TAMM41: variants seen among roughly 807,000 people sequenced by gnomAD.
The protein encoded by TAMM41 is TAM41 mitochondrial translocator assembly and maintenance homolog, also known as phosphatidate cytidylyltransferase, mitochondrial.
TAMM41 carries 36 observed loss-of-function variants against 44.1 expected under a neutral mutation model. The observed-to-expected ratio is 0.82, with a 90% CI of 0.63 to 1.08. The LOEUF (loss-of-function observed/expected upper bound fraction) is 1.08, where lower values mean the gene tolerates loss of function less well. TAMM41 is among the 50% of genes least tolerant of loss of function. TAMM41 has a pLI of 0.00. For missense variants in TAMM41, 417 were observed against 404.3 expected, an observed-to-expected ratio of 1.03 and a Z score of -0.27; for synonymous variants, 164 against 153.1, an observed-to-expected ratio of 1.07 and a Z score of -0.53.
rs113091824 is a variant in TAMM41, at chr3:11,829,436, T to C, written c.562+278A>G. On this transcript the variant is annotated intron_variant, in intron 4 of 7. Transcript: ENST00000455809. ...TGGGAAAAGGGCATAGGGAGTTTTC[T>C]GTATTATTCTTGAAACTTTTCTGTA... Among the ~76,000 whole-genome samples the C allele has an allele frequency of 1.6e-3, 251 of 152,360 alleles. 1 individual carries two copies. Among genetic ancestry groups the C allele is most frequent in the African/African-American group, 5.7e-3 (237 of 41,588 alleles).
At chr3:11,836,875 T>C (rs1462472658) in intron 3 of TAMM41, among the ~76,000 whole-genome samples, 1 of 152,264 alleles carries the variant, frequency 6.6e-6, no homozygotes, top group Non-Finnish European at 1.5e-5. Context: ...TTACTAGTCA[T>C]CCAACTTAGA....
At chr3:11,796,364 G>A (rs2077606202) in intron 7 of TAMM41, among the ~76,000 whole-genome samples, 1 of 152,182 alleles carries the variant, frequency 6.6e-6, no homozygotes, top group Non-Finnish European at 1.5e-5. Context: ...CCACCTCACA[G>A]AAGAGAGAAT....
chr3:11,767,702 T>A, the TAMM41 span, among the ~76,000 whole-genome samples: 1 of 140,318 alleles, frequency 7.1e-6, no homozygotes, highest in Non-Finnish European at 1.5e-5. Context: ...CTAAGCTCAC[T>A]GCAACCTCCG....
At position 11,818,311 on chromosome 3, in the gene TAMM41, G is replaced by A. The variant is rs148022304; in HGVS notation, c.563-974C>T. The stretch of plus-strand genomic sequence containing the variant: ...GGTCACTTCTGAGGGTGAAGGGATC[G>A]CTATAAATAATCACACTACGACAAG... On this transcript the variant is annotated intron_variant, in intron 4 of 7. Coordinates refer to ENST00000455809, the MANE Select transcript of TAMM41 (RefSeq NM_001284401.2). Among the ~76,000 whole-genome samples the A allele has an allele frequency of 9.3e-3, 1,411 of 152,232 alleles. 4 individuals are homozygous for A. The highest frequency in any genetic ancestry group is 0.02 in the Middle Eastern group (6 of 294).
At chr3:11,785,654 A>C (rs1479551266), downstream of TAMM41, among the ~76,000 whole-genome samples, 2 of 146,506 alleles carry the variant, frequency 1.4e-5, no homozygotes, top group African/African-American at 5.1e-5. Context: ...TCGCTCTCTC[A>C]CCCAGGCTGG....
At chr3:11,836,370 A>G (rs1173638767) in intron 3 of TAMM41, among the ~76,000 whole-genome samples, 1 of 152,188 alleles carries the variant, frequency 6.6e-6, no homozygotes, top group Non-Finnish European at 1.5e-5. Flanking sequence ...AAGATGCCTA[A>G]GTTTATGTAA....
chr3:11,729,539 A>ATTTTTTTTTTTTTTTTTTTTT, the TAMM41 span, among the ~76,000 whole-genome samples: 1 of 32,296 alleles, frequency 3.1e-5, no homozygotes, highest in Non-Finnish European at 6.8e-5. Context: ...TCTTTCTTTC[A>ATTTTTTTTTTTTTTTTTTTTT]TTTTTTTTTT....
chr3:11,807,924 A>G, intron 6 of TAMM41, 29 bp from the exon 7 acceptor site: 1 of 1,489,684 alleles, frequency 6.7e-7, no homozygotes, highest in Non-Finnish European at 8.9e-7. Flanking sequence ...AAAGGAGACC[A>G]AAAAAACCCA....
intron 3 of TAMM41, among the ~76,000 whole-genome samples, chr3:11,835,181 C>G (rs1361742682): frequency 1.3e-5 from 2 of 152,114 alleles, no homozygotes; most frequent in African/African-American, 4.8e-5. Context: ...GTCCAAGATA[C>G]TACCACCCTC....
At chr3:11,828,483 C>T (rs144769888) in intron 4 of TAMM41, among the ~76,000 whole-genome samples, 3 of 152,340 alleles carry the variant, frequency 2.0e-5, no homozygotes, top group East Asian at 3.9e-4. Context: ...CCTGCATCTT[C>T]TCCCACCAAG....
chr3:11,846,696 C>A lies in TAMM41; in HGVS notation c.-60G>T. ...AGGGCGAGGACAACCGGGCGGGGAACAGACACCGGGTAGGCGGTTTAGGGT... is the reference window on the plus strand; with the variant it reads ...AGGGCGAGGACAACCGGGCGGGGAAAAGACACCGGGTAGGCGGTTTAGGGT... On this transcript the variant is annotated 5_prime_UTR_variant, in exon 1 of 8. Transcript: ENST00000455809. The A allele has an allele frequency of 3.7e-6, 6 of 1,610,006 alleles. No homozygotes were observed. The highest frequency in any genetic ancestry group is 5.1e-6 in the Non-Finnish European group (6 of 1,177,798).
chr3:11,795,511 A>T (rs1351816964), intron 7 of TAMM41, among the ~76,000 whole-genome samples: 1 of 152,170 alleles, frequency 6.6e-6, no homozygotes. Context: ...GGCTGTAGCC[A>T]TATCTATTTG....
the TAMM41 span, among the ~76,000 whole-genome samples, chr3:11,750,097 T>C: frequency 7.3e-5 from 11 of 151,706 alleles, no homozygotes; most frequent in South Asian, 6.3e-4. Flanking sequence ...GGGGTTTCAC[T>C]GTGTTAGCCA....
At chr3:11,762,185 T>C in the TAMM41 span, among the ~76,000 whole-genome samples, 1 of 152,132 alleles carries the variant, frequency 6.6e-6, no homozygotes, top group Non-Finnish European at 1.5e-5. Flanking sequence ...CATGTTTCAG[T>C]ATAGTGGGTT....
Position 11,829,815 on chromosome 3 carries a change from T to C in TAMM41, c.461A>G (p.Asp154Gly). 1 of 1,614,194 alleles carries C rather than the reference T, an allele frequency of 6.2e-7. No individual in the cohort carries two copies. Among genetic ancestry groups the C allele is most frequent in the East Asian group, 2.2e-5 (1 of 44,886 alleles). ...GGTCACAGCACTCTTCAGATTTCTA[T>C]CGAGGGCTGATCTAAGAGTGACATC... is the stretch of plus-strand genomic sequence containing the variant. ...NEDVTLRSAL[D>G]RNLKSAVTAA... Residue 154 changes from aspartate to glycine, a missense_variant, in exon 4 of 8, where the codon GAT becomes GGT. Asp to Gly is a moderately conservative substitution (Grantham distance 94, BLOSUM62 -1). Coordinates refer to ENST00000455809, the MANE Select transcript of TAMM41 (RefSeq NM_001284401.2).
At position 11,844,176 on chromosome 3, in the gene TAMM41, G is replaced by A. The variant is rs1223152461; in HGVS notation, c.171C>T (p.Asp57=). 2 of 1,614,142 alleles carry A rather than the reference G, an allele frequency of 1.2e-6. No homozygotes were observed. Among genetic ancestry groups the A allele is most frequent in the South Asian group, 2.2e-5 (2 of 91,078 alleles). The change falls in exon 2 of 8, where the codon GAC becomes GAT. Residue 57 remains aspartate, a synonymous_variant. Transcript: ENST00000455809. ...GGTTCTTTGAATGCCATGCGACAGG[G>A]TCATCTACTGTGAACACAAAGTCCA... The part of the protein sequence containing the change: ...AMLDFVFTVD[D]PVAWHSKNLK...
At chr3:11,755,132 A>C in the TAMM41 span, among the ~76,000 whole-genome samples, 1 of 150,652 alleles carries the variant, frequency 6.6e-6, no homozygotes, top group Non-Finnish European at 1.5e-5. Flanking sequence ...TCCTCCCCTC[A>C]TCCTGCTCTT....
At chr3:11,793,982 A>AT (rs1234504205) in intron 7 of TAMM41, among the ~76,000 whole-genome samples, 4 of 152,156 alleles carry the variant, frequency 2.6e-5, no homozygotes, top group Admixed American at 6.6e-5. Context: ...AGAATCTTTC[A>AT]TTTATTTGGT....
intron 7 of TAMM41, among the ~76,000 whole-genome samples, chr3:11,804,824 C>T (rs985174841): frequency 9.9e-5 from 15 of 151,896 alleles, no homozygotes; most frequent in African/African-American, 2.7e-4. Context: ...ACAAGTGCTA[C>T]TAAGTCTTTG....
Sources: gnomAD v4.1 joint callset for allele counts (sites outside exome capture counted in the v4.1 genomes callset) on GRCh38, gnomAD v4.1.1 for gene constraint, MANE v1.5 for transcripts, NCBI Gene and HGNC (gene_info 2026-07-23, HGNC 2026-07-21) for gene names.